Variants in COPZ1 observed in about 807,000 individuals in gnomAD.
COPZ1 encodes the protein coatomer subunit zeta-1.
COPZ1 carries 4 observed loss-of-function variants against 31.7 expected under a neutral mutation model. That is an observed-to-expected ratio of 0.13 (90% CI 0.06 to 0.29). COPZ1 has a LOEUF of 0.29. Ranked by LOEUF, COPZ1 falls within the 10% of genes least tolerant of loss-of-function variation. The pLI is 1.00. For missense variants in COPZ1, 156 were observed against 211.5 expected, an observed-to-expected ratio of 0.74 and a Z score of 1.63; for synonymous variants, 74 against 79.0, an observed-to-expected ratio of 0.94 and a Z score of 0.33.
intron 1 of COPZ1, among the ~76,000 whole-genome samples, chr12:54,339,729 G>A (rs1953938216): frequency 6.6e-6 from 1 of 152,060 alleles, no homozygotes; most frequent in Non-Finnish European, 1.5e-5. Context: ...TAAGACTGAG[G>A]CCGTGATTCC....
intron 6 of COPZ1, 48 bp downstream of exon 6, chr12:54,347,892 T>TTAG (rs1460688365): frequency 6.2e-7 from 1 of 1,605,076 alleles, no homozygotes. Flanking sequence ...GCGGGATAAC[T>TTAG]GCCCCTGTCC....
At position 54,350,715 on chromosome 12, in the gene COPZ1, A is replaced by G; in HGVS notation, c.*192A>G. The G allele has an allele frequency of 1.7e-6, 1 of 604,130 alleles. No individual in the cohort carries two copies. Among genetic ancestry groups the G allele is most frequent in the Non-Finnish European group, 3.0e-6 (1 of 335,786 alleles). 37.4% of individuals were successfully genotyped at this position (604,130 alleles called of 1,614,324 possible). A position where few individuals can be genotyped will look rare whatever the true frequency, so the allele number is the denominator to read the frequency against. On this transcript the variant is annotated 3_prime_UTR_variant, in exon 9 of 9. Coordinates refer to ENST00000262061, the MANE Select transcript of COPZ1 (RefSeq NM_016057.3). ...TCCTATTCTTTTTCATTCTTCTTGC[A>G]GTTCTGGGAGTAAAGCTCCCAGCAT...
chr12:54,340,314 T>C (rs1230905645), intron 1 of COPZ1: 6 of 579,806 alleles, frequency 1.0e-5, no homozygotes, highest in Non-Finnish European at 1.4e-5. Flanking sequence ...AGAGAAACTG[T>C]TTCTCTGATG....
chr12:54,331,088 C>T (rs1953742300), intron 1 of COPZ1, among the ~76,000 whole-genome samples: 1 of 151,940 alleles, frequency 6.6e-6, no homozygotes, highest in African/African-American at 2.4e-5. Context: ...CCCATCTCTT[C>T]AGGAAGTCCT....
intron 1 of COPZ1, among the ~76,000 whole-genome samples, chr12:54,335,181 CAAAAAAAA>C (rs556631294): frequency 3.4e-5 from 3 of 88,648 alleles, no homozygotes; most frequent in Admixed American, 3.4e-4. Flanking sequence ...GAAACTCTGT[CAAAAAAAA>C]AAAAAAAAAA....
At chr12:54,340,378 C>T in intron 1 of COPZ1, 169 bp from the exon 2 acceptor site, 10 of 1,077,056 alleles carry the variant, frequency 9.3e-6, no homozygotes, top group South Asian at 2.1e-5. Flanking sequence ...GTTTACTTAC[C>T]CTGGGTCTTT....
intron 5 of COPZ1, among the ~76,000 whole-genome samples, chr12:54,346,159 G>A (rs1954058484): frequency 6.6e-6 from 1 of 151,836 alleles, no homozygotes; most frequent in Non-Finnish European, 1.5e-5. Flanking sequence ...GTGCTTTCCT[G>A]GGCTTCATTC....
intron 1 of COPZ1, among the ~76,000 whole-genome samples, chr12:54,336,146 A>G (rs1953859685): frequency 6.6e-6 from 1 of 152,134 alleles, no homozygotes; most frequent in African/African-American, 2.4e-5. Context: ...GTGGCTTACT[A>G]AGATCTTACC....
Position 54,350,541 on chromosome 12 carries a change from G to A in COPZ1, c.*18G>A, listed in dbSNP as rs749030600. ...TTCGGTGAAGACCTCACTGTTCCTGGCTCTTCATCCTCTTCAAAAAATTTG... is the reference window on the plus strand; with the variant it reads ...TTCGGTGAAGACCTCACTGTTCCTGACTCTTCATCCTCTTCAAAAAATTTG... On this transcript the variant is annotated 3_prime_UTR_variant, in exon 9 of 9. Transcript: ENST00000262061. 3 of 1,611,000 alleles carry A rather than the reference G, an allele frequency of 1.9e-6. No homozygotes were observed. In the South Asian group the frequency reaches 3.3e-5, roughly 18 times the overall value.
chr12:54,350,854 T>A lies in COPZ1; in HGVS notation c.*331T>A, dbSNP rs758411369. 5.7e-6 allele frequency: 2 copies of A among 348,418 alleles called. No homozygotes were observed. The highest frequency in any genetic ancestry group is 1.1e-5 in the Non-Finnish European group (2 of 184,080). The allele number at this position is 348,418 out of a possible 1,614,324, so 21.6% of individuals were successfully genotyped here. A position where few individuals can be genotyped will look rare whatever the true frequency, so the allele number is the denominator to read the frequency against. On this transcript the variant is annotated 3_prime_UTR_variant, in exon 9 of 9. Coordinates refer to ENST00000262061, the MANE Select transcript of COPZ1 (RefSeq NM_016057.3). ...TCTGTGCCCTTTGCTGTAGCTACACTTCAGATTAAAGTAGGAGAAAGAATG... is the reference window on the plus strand; with the variant it reads ...TCTGTGCCCTTTGCTGTAGCTACACATCAGATTAAAGTAGGAGAAAGAATG...
chr12:54,336,940 T>G (rs2137096043), intron 1 of COPZ1, among the ~76,000 whole-genome samples: 1 of 146,214 alleles, frequency 6.8e-6, no homozygotes, highest in Middle Eastern at 3.8e-3. Context: ...AAGAATCACT[T>G]GAATCCGGGA....
intron 5 of COPZ1, among the ~76,000 whole-genome samples, chr12:54,347,134 G>T (rs1394363711): frequency 6.6e-6 from 1 of 152,156 alleles, no homozygotes; most frequent in African/African-American, 2.4e-5. Context: ...GGAAGGGGAT[G>T]ATTTATTTCT....
intron 8 of COPZ1, 69 bp from the exon 9 acceptor site, chr12:54,350,407 G>A (rs1224072790): frequency 1.7e-6 from 2 of 1,204,692 alleles, no homozygotes; most frequent in Non-Finnish European, 2.5e-6. Context: ...AGGGGAAGGA[G>A]ATCCCCAGCC....
chr12:54,348,066 G>GT lies in COPZ1; in HGVS notation c.447+18dup. The GT allele has an allele frequency of 6.2e-7, 1 of 1,613,542 alleles. No individual in the cohort carries two copies. The highest frequency in any genetic ancestry group is 8.5e-7 in the Non-Finnish European group (1 of 1,179,484). ...TGGCATTAAGGGTAAGCAAGAATGT[G>GT]TTTCTTTGCATCCCCGCATCTATTC... On this transcript the variant is annotated intron_variant, in intron 7 of 8. Coordinates refer to ENST00000262061, the MANE Select transcript of COPZ1 (RefSeq NM_016057.3).
At chr12:54,350,107 G>C (rs1954122311) in intron 8 of COPZ1, 1 of 616,644 alleles carries the variant, frequency 1.6e-6, no homozygotes, top group African/African-American at 1.8e-5. Context: ...ACCTGATGTA[G>C]GGGGAAGGGA....
rs1954088803 is a variant in COPZ1, at chr12:54,347,755, T to C, written c.318-12T>C. 1.2e-6 allele frequency: 2 copies of C among 1,609,256 alleles called. No homozygotes were observed. The highest frequency in any genetic ancestry group is 1.7e-6 in the Non-Finnish European group (2 of 1,178,714). ...AAGTTGGTTATTCTCTTCTCTTCTCTTGGGGACTCAGGAAAAATGTAGAAA... is the reference window on the plus strand; with the variant it reads ...AAGTTGGTTATTCTCTTCTCTTCTCCTGGGGACTCAGGAAAAATGTAGAAA... On this transcript the variant is annotated splice_polypyrimidine_tract_variant and intron_variant, in intron 5 of 8. Coordinates refer to ENST00000262061, the MANE Select transcript of COPZ1 (RefSeq NM_016057.3).
intron 8 of COPZ1, 111 bp from the exon 9 acceptor site, chr12:54,350,365 C>T (rs1304630383): frequency 2.3e-6 from 2 of 865,436 alleles, no homozygotes; most frequent in East Asian, 2.4e-5. Context: ...ATTTTCTATT[C>T]TCCATTCTTC....
intron 2 of COPZ1, among the ~76,000 whole-genome samples, chr12:54,341,076 T>G (rs1953966444): frequency 1.3e-5 from 2 of 152,188 alleles, no homozygotes; most frequent in African/African-American, 4.8e-5. Context: ...GCTGCCCTGC[T>G]TGCTGTCCTC....
intron 1 of COPZ1, 45 bp from the exon 2 acceptor site, chr12:54,340,502 G>A (rs780584758): frequency 5.6e-6 from 9 of 1,611,880 alleles, no homozygotes. Context: ...TTTACCAGTG[G>A]TGATGGGAGG....
Sources: gnomAD v4.1 joint callset for allele counts (sites outside exome capture counted in the v4.1 genomes callset) on GRCh38, gnomAD v4.1.1 for gene constraint, MANE v1.5 for transcripts, NCBI Gene and HGNC (gene_info 2026-07-23, HGNC 2026-07-21) for gene names.